PACC1: variants seen among roughly 807,000 people sequenced by gnomAD.
The protein encoded by PACC1 is proton-activated chloride channel.
Under a neutral mutation model 39.7 loss-of-function variants are expected in PACC1, and 34 were observed. The observed-to-expected ratio is 0.86, with a 90% CI of 0.65 to 1.14. The LOEUF (loss-of-function observed/expected upper bound fraction) is 1.14, where lower values mean the gene tolerates loss of function less well. Among genes scored for constraint, PACC1 ranks in the 50% most tolerant of loss-of-function variants. The probability of loss-of-function intolerance (pLI) is 0.00; values close to 1 mark genes in which losing one functional copy is unlikely to be tolerated. For missense variants in PACC1, 379 were observed against 436.4 expected, an observed-to-expected ratio of 0.87 and a Z score of 1.17; for synonymous variants, 127 against 160.6, an observed-to-expected ratio of 0.79 and a Z score of 1.58.
intron 6 of PACC1, 136 bp downstream of exon 6, chr1:212,377,426 C>T (rs1458210148): frequency 8.5e-7 from 1 of 1,182,332 alleles, no homozygotes; most frequent in Non-Finnish European, 1.2e-6. Context: ...CCATGGGAGT[C>T]CCTTCTCATC....
intron 2 of PACC1, among the ~76,000 whole-genome samples, chr1:212,405,019 C>T (rs759461878): frequency 9.2e-5 from 14 of 152,282 alleles, no homozygotes; most frequent in Admixed American, 4.6e-4. Context: ...ATGATCTGCT[C>T]GCTTTGGCCT....
intron 2 of PACC1, among the ~76,000 whole-genome samples, chr1:212,395,269 C>G (rs1450332946): frequency 6.6e-6 from 1 of 152,160 alleles, no homozygotes; most frequent in African/African-American, 2.4e-5. Context: ...ACAGAGCCCT[C>G]AGAAATAATA....
intron 2 of PACC1, among the ~76,000 whole-genome samples, chr1:212,400,545 A>T (rs1661675192): frequency 6.6e-6 from 1 of 152,164 alleles, no homozygotes; most frequent in Non-Finnish European, 1.5e-5. Context: ...AAACTGTAAA[A>T]CTATTTACTT....
At chr1:212,391,062 A>C (rs1661301318) in intron 2 of PACC1, among the ~76,000 whole-genome samples, 1 of 152,214 alleles carries the variant, frequency 6.6e-6, no homozygotes, top group African/African-American at 2.4e-5. Flanking sequence ...GTAGATTTAA[A>C]TGTCCCTGTC....
intron 2 of PACC1, among the ~76,000 whole-genome samples, chr1:212,406,891 C>T (rs1164291907): frequency 1.3e-5 from 2 of 152,214 alleles, no homozygotes; most frequent in Non-Finnish European, 2.9e-5. Flanking sequence ...AAAGGAAACA[C>T]AAAGACAAGC....
At chr1:212,375,059 G>A in intron 7 of PACC1, 134 bp downstream of exon 7, 1 of 603,770 alleles carries the variant, frequency 1.7e-6, no homozygotes. Flanking sequence ...GGACAGGTAG[G>A]TAGACTTATC....
intron 2 of PACC1, among the ~76,000 whole-genome samples, chr1:212,389,548 A>C (rs768609840): frequency 1.3e-5 from 2 of 152,224 alleles, no homozygotes; most frequent in African/African-American, 4.8e-5. Context: ...CTAAGAAACA[A>C]GAAAATGTGA....
chr1:212,380,128 T>C, intron 4 of PACC1, 91 bp from the exon 5 acceptor site: 2 of 1,394,470 alleles, frequency 1.4e-6, no homozygotes, highest in South Asian at 1.3e-5. Flanking sequence ...GGAAAGCCCA[T>C]AGCTCCTTGC....
At position 212,379,913 on chromosome 1, in the gene PACC1, AAAG is replaced by A. The variant is rs1296392171; in HGVS notation, c.617_619del (p.Ser206del). 4.3e-6 allele frequency: 7 copies of A among 1,614,096 alleles called. No individual in the cohort carries two copies. Among genetic ancestry groups the A allele is most frequent in the Non-Finnish European group, 8.5e-7 (1 of 1,180,042 alleles). Reference sequence around the variant, plus strand: ...AGCCCACCTTTGCAGGAACTCCTGGAAAGAAGAGAAGAGGAGGTAATCAATGGC... The same window carrying A: ...AGCCCACCTTTGCAGGAACTCCTGGAAAGAGAAGAGGAGGTAATCAATGGC... On this transcript the variant is annotated inframe_deletion, in exon 5 of 8. Transcript: ENST00000261455.
Position 212,410,350 on chromosome 1 carries a change from C to A in PACC1, c.133+75G>T, listed in dbSNP as rs138638603. 608 of 1,377,494 alleles carry A rather than the reference C, an allele frequency of 4.4e-4. 3 individuals carry two copies. In the African/African-American group the frequency reaches 7.8e-3, roughly 18 times the overall value. 85.3% of individuals were successfully genotyped at this position (1,377,494 alleles called of 1,614,324 possible). On this transcript the variant is annotated intron_variant, in intron 2 of 7. Transcript: ENST00000261455. Reference sequence around the variant, plus strand: ...GTGCAGGGAAGGGGGCTCCTCCTCTCCCACAGTTGGCAAGGCGCCTAGACT... The same window carrying A: ...GTGCAGGGAAGGGGGCTCCTCCTCTACCACAGTTGGCAAGGCGCCTAGACT...
At chr1:212,401,548 C>T (rs1661711264) in intron 2 of PACC1, among the ~76,000 whole-genome samples, 1 of 149,362 alleles carries the variant, frequency 6.7e-6, no homozygotes. Flanking sequence ...ATCACTTGAA[C>T]CCAGGAGGCA....
At chr1:212,393,396 A>C (rs1476061356) in intron 2 of PACC1, among the ~76,000 whole-genome samples, 1 of 152,230 alleles carries the variant, frequency 6.6e-6, no homozygotes, top group East Asian at 1.9e-4. Flanking sequence ...AATGAGAAGA[A>C]AGACACAACA....
At chr1:212,377,112 C>G (rs1660692397) in intron 6 of PACC1, among the ~76,000 whole-genome samples, 1 of 152,180 alleles carries the variant, frequency 6.6e-6, no homozygotes, top group African/African-American at 2.4e-5. Context: ...CCAGGAGATA[C>G]ACCTGGCATC....
intron 2 of PACC1, among the ~76,000 whole-genome samples, chr1:212,403,532 G>A (rs932822020): frequency 2.6e-5 from 4 of 152,044 alleles, no homozygotes; most frequent in African/African-American, 7.2e-5. Flanking sequence ...GGGCCATCTC[G>A]ACTTCAACTG....
At chr1:212,403,227 A>T (rs1017658175) in intron 2 of PACC1, among the ~76,000 whole-genome samples, 1 of 152,246 alleles carries the variant, frequency 6.6e-6, no homozygotes, top group Admixed American at 6.5e-5. Context: ...GGAATTATGT[A>T]TTCCAGAGAA....
intron 1 of PACC1, among the ~76,000 whole-genome samples, chr1:212,410,911 G>A (rs1235855435): frequency 2.0e-5 from 3 of 152,166 alleles, no homozygotes; most frequent in Non-Finnish European, 2.9e-5. Flanking sequence ...CTTGGAGTTC[G>A]TTGGCTCGTA....
At chr1:212,411,694 T>C (rs1264713553) in intron 1 of PACC1, among the ~76,000 whole-genome samples, 1 of 152,086 alleles carries the variant, frequency 6.6e-6, no homozygotes, top group Non-Finnish European at 1.5e-5. Flanking sequence ...TTTTAAGGTT[T>C]CTAGACATTT....
At chr1:212,372,282 CAAAAA>C (rs56708545) in intron 7 of PACC1, among the ~76,000 whole-genome samples, 9 of 130,960 alleles carry the variant, frequency 6.9e-5, no homozygotes, top group African/African-American at 2.5e-4. Flanking sequence ...GAAACTGTGT[CAAAAA>C]AAAAAAACAA....
At chr1:212,388,806 G>C (rs1661197828) in intron 2 of PACC1, among the ~76,000 whole-genome samples, 1 of 152,168 alleles carries the variant, frequency 6.6e-6, no homozygotes, top group South Asian at 2.1e-4. Context: ...TACTCCCACA[G>C]GGCTCCCTGT....
Sources: allele counts gnomAD v4.1 joint callset (sites outside exome capture counted in the v4.1 genomes callset), GRCh38; gene constraint gnomAD v4.1.1; transcripts MANE v1.5; gene names NCBI Gene and HGNC (gene_info 2026-07-23, HGNC 2026-07-21).